Variants in PMM2 observed in about 807,000 individuals in gnomAD.
PMM2 encodes phosphomannomutase 2.
Under a neutral mutation model 33.2 loss-of-function variants are expected in PMM2, and 35 were observed. The observed-to-expected ratio is 1.06, with a 90% CI of 0.81 to 1.40. The LOEUF (loss-of-function observed/expected upper bound fraction) is 1.40, where lower values mean the gene tolerates loss of function less well. Ranked by LOEUF, PMM2 falls within the 40% of genes most tolerant of loss-of-function variation. The probability of loss-of-function intolerance (pLI) is 0.00; values close to 1 mark genes in which losing one functional copy is unlikely to be tolerated. For missense variants in PMM2, 386 were observed against 306.0 expected (o/e 1.26, Z -1.95); for synonymous variants, 153 against 114.7 (o/e 1.33, Z -2.13).
intron 7 of PMM2, among the ~76,000 whole-genome samples, chr16:8,841,907 G>A (rs1362315604): frequency 1.2e-4 from 18 of 150,626 alleles, no homozygotes; most frequent in Admixed American, 5.3e-4. Context: ...CATCAGGTAT[G>A]AGGAAGAAAA....
At chr16:8,829,170 A>T (rs1184855699) in intron 7 of PMM2, 1 of 152,200 alleles carries the variant, frequency 6.6e-6, no homozygotes, top group East Asian at 1.9e-4. Flanking sequence ...GTCTAGGCTC[A>T]TAAGATTTTT....
At chr16:8,815,677 C>A in intron 7 of PMM2, among the ~76,000 whole-genome samples, 1 of 152,106 alleles carries the variant, frequency 6.6e-6, no homozygotes, top group Non-Finnish European at 1.5e-5. Flanking sequence ...TGGCCATCTA[C>A]CCATGGATTA....
In PMM2 at chr16:8,804,745, GT is replaced by G. The variant is rs145496357; in HGVS notation, c.179-15del. On this transcript the variant is annotated intron_variant, in intron 2 of 7. Transcript: ENST00000268261. Reference sequence around the variant, plus strand: ...GGTTTTGATTCTTTGCATTCTAAGTGTTTTTTTGGTTTTGATTGTAGTGGTT... The same window carrying G: ...GGTTTTGATTCTTTGCATTCTAAGTGTTTTTTGGTTTTGATTGTAGTGGTT... The G allele has an allele frequency of 1.9e-5, 30 of 1,563,438 alleles. No homozygotes were observed. Among genetic ancestry groups the G allele is most frequent in the South Asian group, 1.3e-4 (12 of 90,042 alleles).
intron 7 of PMM2, among the ~76,000 whole-genome samples, chr16:8,819,710 AC>A (rs1459314960): frequency 6.0e-5 from 9 of 150,896 alleles, no homozygotes; most frequent in African/African-American, 1.7e-4. Context: ...AAAAAAAAAA[AC>A]AATAAAAATT....
At chr16:8,836,994 T>C (rs1413259182) in intron 7 of PMM2, among the ~76,000 whole-genome samples, 6 of 150,820 alleles carry the variant, frequency 4.0e-5, no homozygotes, top group Non-Finnish European at 8.9e-5. Flanking sequence ...GGAGGGGAGG[T>C]GATAAAAGGA....
chr16:8,842,427 G>C (rs1295265878), intron 7 of PMM2: 3 of 152,252 alleles, frequency 2.0e-5, no homozygotes, highest in Non-Finnish European at 4.4e-5. Flanking sequence ...GAAAGAGCTT[G>C]GCTGAAGTAA....
intron 7 of PMM2, among the ~76,000 whole-genome samples, chr16:8,820,087 C>T (rs2060729256): frequency 6.6e-6 from 1 of 152,228 alleles, no homozygotes; most frequent in African/African-American, 2.4e-5. Flanking sequence ...ATCCCAGCTA[C>T]TCAGGAGGCT....
intron 7 of PMM2, among the ~76,000 whole-genome samples, chr16:8,827,909 T>C (rs1473914105): frequency 8.7e-6 from 1 of 114,948 alleles, no homozygotes; most frequent in Non-Finnish European, 1.7e-5. Flanking sequence ...ATATATATTA[T>C]ATATATTATG....
At chr16:8,836,329 C>G (rs1304513399) in intron 7 of PMM2, among the ~76,000 whole-genome samples, 1 of 152,048 alleles carries the variant, frequency 6.6e-6, no homozygotes, top group Non-Finnish European at 1.5e-5. Context: ...AGCCTTGGGC[C>G]AGAGTTCCAG....
At chr16:8,831,451 C>T (rs553844895) in intron 7 of PMM2, among the ~76,000 whole-genome samples, 18 of 152,334 alleles carry the variant, frequency 1.2e-4, no homozygotes, top group East Asian at 3.9e-4. Flanking sequence ...GTGGGAGGAT[C>T]GCTTGAGCCC....
intron 7 of PMM2, among the ~76,000 whole-genome samples, chr16:8,841,553 C>CT (rs2060891170): frequency 7.1e-6 from 1 of 141,620 alleles, no homozygotes; most frequent in Non-Finnish European, 1.5e-5. Flanking sequence ...AAGTTATTTC[C>CT]TTGAGGATAG....
At chr16:8,806,850 A>C (rs887679007) in intron 4 of PMM2, 1 of 192,382 alleles carries the variant, frequency 5.2e-6, no homozygotes, top group Non-Finnish European at 1.1e-5. Context: ...TACAAAAAGC[A>C]ACAGAAACCC....
At chr16:8,816,942 C>A (rs1163744493) in intron 7 of PMM2, among the ~76,000 whole-genome samples, 2 of 152,084 alleles carry the variant, frequency 1.3e-5, no homozygotes, top group African/African-American at 4.8e-5. Flanking sequence ...CAAAGAGATA[C>A]CTGCTGTTTA....
At chr16:8,826,534 A>G (rs998806779) in intron 7 of PMM2, among the ~76,000 whole-genome samples, 1 of 152,238 alleles carries the variant, frequency 6.6e-6, no homozygotes, top group Non-Finnish European at 1.5e-5. Context: ...CAGCAGAAAC[A>G]GTATCTGATC....
At chr16:8,827,371 C>G (rs942252472) in intron 7 of PMM2, among the ~76,000 whole-genome samples, 7 of 150,856 alleles carry the variant, frequency 4.6e-5, no homozygotes, top group African/African-American at 1.7e-4. Flanking sequence ...GCACAAAGGC[C>G]TTTTTTTTAT....
chr16:8,805,501 A>C (rs8059182), intron 3 of PMM2, among the ~76,000 whole-genome samples: 120,550 of 152,172 alleles, frequency 0.79, 48,821 homozygotes, highest in East Asian at 0.97. Context: ...CAGGGACTAC[A>C]GGCACATGCC....
At chr16:8,830,192 C>T (rs2060801710) in intron 7 of PMM2, among the ~76,000 whole-genome samples, 1 of 152,198 alleles carries the variant, frequency 6.6e-6, no homozygotes, top group Non-Finnish European at 1.5e-5. Context: ...CCTGGGCTGG[C>T]CTCTGGATCC....
chr16:8,827,026 C>T (rs2060772531), intron 7 of PMM2, among the ~76,000 whole-genome samples: 1 of 152,124 alleles, frequency 6.6e-6, no homozygotes, highest in Non-Finnish European at 1.5e-5. Context: ...ATATCTCTCT[C>T]CCCTACTAAA....
chr16:8,811,221 G>C (rs780749859), intron 5 of PMM2, 43 bp downstream of exon 5: 1 of 1,274,360 alleles, frequency 7.8e-7, no homozygotes, highest in Non-Finnish European at 1.1e-6. Flanking sequence ...CTGGGTTTAT[G>C]GAAATAAGAT....
Sources: gnomAD v4.1 joint callset for allele counts (sites outside exome capture counted in the v4.1 genomes callset) on GRCh38, gnomAD v4.1.1 for gene constraint, MANE v1.5 for transcripts, NCBI Gene and HGNC (gene_info 2026-07-23, HGNC 2026-07-21) for gene names.